MINDY2: variants seen among roughly 807,000 people sequenced by gnomAD.
The protein encoded by MINDY2 is MINDY lysine 48 deubiquitinase 2.
In MINDY2, 52 loss-of-function variants were observed where a neutral mutation model predicts 68.2. That is an observed-to-expected ratio of 0.76 (90% CI 0.61 to 0.96). The LOEUF is 0.96. Ranked by LOEUF, MINDY2 falls within the 40% of genes least tolerant of loss-of-function variation. The pLI, the probability that MINDY2 is intolerant of heterozygous loss-of-function variation, is 0.00. For missense variants in MINDY2, 881 were observed against 773.4 expected (o/e 1.14, Z -1.65); for synonymous variants, 372 against 303.0 (o/e 1.23, Z -2.36).
intron 6 of MINDY2, among the ~76,000 whole-genome samples, chr15:58,835,208 TATTA>T (rs138666892): frequency 0.032 from 4,943 of 152,252 alleles, 281 homozygotes; most frequent in African/African-American, 0.11. Flanking sequence ...CACAAATAAT[TATTA>T]ATTTATTTCT....
chr15:58,835,486 T>TTTG (rs1362567209), intron 6 of MINDY2, among the ~76,000 whole-genome samples: 23 of 151,848 alleles, frequency 1.5e-4, no homozygotes, highest in Admixed American at 1.1e-3. Flanking sequence ...AACCCCGTCT[T>TTTG]TACTAAAAAT....
At position 58,854,783 on chromosome 15, in the gene MINDY2, A is replaced by G. The variant is rs2033004173; in HGVS notation, c.*173A>G. On this transcript the variant is annotated 3_prime_UTR_variant, in exon 9 of 9. Transcript: ENST00000559228. ...CAATCAGACTTTTTCAAGTCACACA[A>G]TACACTCTTTATGAGCTGGAGTTTC... The G allele has an allele frequency of 1.4e-5, 8 of 582,508 alleles. No individual in the cohort carries two copies. Among genetic ancestry groups the G allele is most frequent in the South Asian group, 1.3e-4 (5 of 38,842 alleles). 36.1% of individuals were successfully genotyped at this position (582,508 alleles called of 1,614,324 possible).
At chr15:58,835,829 C>T (rs1477395763) in intron 6 of MINDY2, among the ~76,000 whole-genome samples, 1 of 152,118 alleles carries the variant, frequency 6.6e-6, no homozygotes, top group Non-Finnish European at 1.5e-5. Flanking sequence ...GTCCCTGAAA[C>T]ATAGCAAGTA....
At chr15:58,784,403 A>T (rs1901346265) in intron 1 of MINDY2, among the ~76,000 whole-genome samples, 1 of 152,156 alleles carries the variant, frequency 6.6e-6, no homozygotes, top group South Asian at 2.1e-4. Context: ...TTTCCTAGAT[A>T]ATAAAAATTT....
intron 4 of MINDY2, among the ~76,000 whole-genome samples, chr15:58,814,063 G>A (rs1192969913): frequency 1.3e-5 from 2 of 149,838 alleles, no homozygotes; most frequent in Non-Finnish European, 3.0e-5. Flanking sequence ...TCGACCTCCC[G>A]AGTAGCTGGG....
At chr15:58,848,681 G>A (rs2032659573) in intron 7 of MINDY2, among the ~76,000 whole-genome samples, 1 of 152,178 alleles carries the variant, frequency 6.6e-6, no homozygotes, top group African/African-American at 2.4e-5. Flanking sequence ...AGGAGGCAGA[G>A]CTTGCAGCGA....
chr15:58,847,505 A>T lies in MINDY2; in HGVS notation c.1542+35A>T, dbSNP rs779435402. On this transcript the variant is annotated intron_variant, in intron 7 of 8. Transcript: ENST00000559228. ...TATTGTCGTCTTTATAGTGGTTAAAATGCTGATTTTTTTCAAATGTGAATT... is the reference window on the plus strand; with the variant it reads ...TATTGTCGTCTTTATAGTGGTTAAATTGCTGATTTTTTTCAAATGTGAATT... 4.8e-6 allele frequency: 7 copies of T among 1,465,046 alleles called. No individual in the cohort carries two copies. The South Asian group carries it at 6.1e-5, about 13-fold the overall frequency. 90.8% of individuals were successfully genotyped at this position (1,465,046 alleles called of 1,614,324 possible). A position where few individuals can be genotyped will look rare whatever the true frequency, so the allele number is the denominator to read the frequency against.
chr15:58,787,140 C>CTTTTTTTTTTTTTTTTTTTT (rs58374538), intron 1 of MINDY2, among the ~76,000 whole-genome samples: 2 of 78,150 alleles, frequency 2.6e-5, no homozygotes, highest in African/African-American at 5.6e-5. Context: ...CATTTCTTTA[C>CTTTTTTTTTTTTTTTTTTTT]TTTTTTTTTT....
intron 4 of MINDY2, among the ~76,000 whole-genome samples, chr15:58,812,861 A>C (rs2030392486): frequency 6.6e-6 from 1 of 152,180 alleles, no homozygotes. Flanking sequence ...CTGTCTCAAA[A>C]TAAATAGAGA....
At chr15:58,791,701 A>G (rs1460790859) in intron 2 of MINDY2, among the ~76,000 whole-genome samples, 2 of 149,708 alleles carry the variant, frequency 1.3e-5, no homozygotes, top group Non-Finnish European at 3.0e-5. Flanking sequence ...CTGAATTTTT[A>G]ATTTTATATA....
chr15:58,846,534 A>G (rs573165956), intron 6 of MINDY2, among the ~76,000 whole-genome samples: 1 of 149,556 alleles, frequency 6.7e-6, no homozygotes, highest in African/African-American at 2.5e-5. Context: ...CGGAGGTTGC[A>G]GTGAGCTGAG....
Position 58,835,529 on chromosome 15 carries a change from T to C in MINDY2, c.1368+3613T>C, listed in dbSNP as rs568351973. ...TTAGCTGGGCATGGTGGTGGGTGCC[T>C]GTAATTCCAGCTACTTGGGAGGCTG... On this transcript the variant is annotated intron_variant, in intron 6 of 8. Transcript: ENST00000559228. Among the ~76,000 whole-genome samples, 8 of 152,262 alleles carry C rather than the reference T, an allele frequency of 5.3e-5. No individual in the cohort carries two copies. The East Asian group carries it at 1.5e-3, about 29-fold the overall frequency.
chr15:58,853,768 C>G (rs1298170351), intron 8 of MINDY2, among the ~76,000 whole-genome samples: 1 of 144,550 alleles, frequency 6.9e-6, no homozygotes, highest in Non-Finnish European at 1.5e-5. Flanking sequence ...TTGCAGTGAA[C>G]CGAGATTGTG....
In MINDY2 at chr15:58,810,366, A is replaced by G. The variant is rs371997194; in HGVS notation, c.1100A>G (p.His367Arg). The G allele has an allele frequency of 6.2e-7, 1 of 1,602,154 alleles. No homozygotes were observed. Among genetic ancestry groups the G allele is most frequent in the African/African-American group, 1.3e-5 (1 of 74,462 alleles). Residue 367 changes from histidine to arginine, a missense_variant, in exon 4 of 9, where the codon CAT (histidine) becomes CGT (arginine). His to Arg is a conservative substitution (Grantham distance 29, BLOSUM62 0). Coordinates refer to ENST00000559228, the MANE Select transcript of MINDY2 (RefSeq NM_001040450.3). ...GATCTTCTTGATATTCCTTTGTACC[A>G]TGGGTGGTTAGTAGACCCTCAGGTA... ...VFDLLDIPLY[H>R]GWLVDPQIDD...
intron 4 of MINDY2, among the ~76,000 whole-genome samples, chr15:58,814,914 G>T (rs1206938188): frequency 1.3e-5 from 2 of 151,550 alleles, no homozygotes; most frequent in South Asian, 4.2e-4. Flanking sequence ...GAGTGCCGAG[G>T]TTACAAATGT....
At position 58,787,966 on chromosome 15, in the gene MINDY2, T is replaced by G; in HGVS notation, c.898+3T>G. On this transcript the variant is annotated splice_donor_region_variant and intron_variant, in intron 2 of 8. Coordinates refer to ENST00000559228, the MANE Select transcript of MINDY2 (RefSeq NM_001040450.3). ...TGAGCAGCTGATGGAATATTTAGGT[T>G]AGTGTTGAAAAGTGGATTTTATATC... The G allele has an allele frequency of 6.3e-7, 1 of 1,578,292 alleles. No individual in the cohort carries two copies. Among genetic ancestry groups the G allele is most frequent in the Non-Finnish European group, 8.6e-7 (1 of 1,163,830 alleles).
chr15:58,789,379 C>T (rs1417317280), intron 2 of MINDY2, among the ~76,000 whole-genome samples: 3 of 152,148 alleles, frequency 2.0e-5, no homozygotes, highest in African/African-American at 7.2e-5. Flanking sequence ...TTGTCTCTAC[C>T]CTTCCAGGCA....
intron 2 of MINDY2, among the ~76,000 whole-genome samples, chr15:58,792,979 G>A (rs886739763): frequency 4.6e-5 from 7 of 152,210 alleles, no homozygotes; most frequent in African/African-American, 1.7e-4. Flanking sequence ...TCCAGCCTGG[G>A]TGAGAGAGCA....
intron 4 of MINDY2, among the ~76,000 whole-genome samples, chr15:58,818,178 T>C (rs1204624951): frequency 6.6e-6 from 1 of 152,242 alleles, no homozygotes; most frequent in Non-Finnish European, 1.5e-5. Flanking sequence ...ACCATTTTGC[T>C]CACTGTTGTG....
Sources: gnomAD v4.1 joint callset for allele counts (sites outside exome capture counted in the v4.1 genomes callset) on GRCh38, gnomAD v4.1.1 for gene constraint, MANE v1.5 for transcripts, NCBI Gene and HGNC (gene_info 2026-07-23, HGNC 2026-07-21) for gene names.